DLGAP1: variants seen among roughly 807,000 people sequenced by gnomAD.
DLGAP1 encodes the protein disks large-associated protein 1.
A neutral mutation model predicts 90.8 loss-of-function variants in DLGAP1; 11 were observed. That is an observed-to-expected ratio of 0.12 (90% CI 0.08 to 0.20). DLGAP1 has a LOEUF of 0.20. Among genes scored for constraint, DLGAP1 ranks in the 10% least tolerant of loss-of-function variants. DLGAP1 has a pLI of 1.00. For synonymous variants in DLGAP1, 558 were observed against 540.7 expected, an observed-to-expected ratio of 1.03 and a Z score of -0.44; for missense variants, 1,050 against 1,333.8, an observed-to-expected ratio of 0.79 and a Z score of 3.31.
At chr18:3,991,643 G>C (rs1253843036) in intron 3 of DLGAP1, among the ~76,000 whole-genome samples, 3 of 152,152 alleles carry the variant, frequency 2.0e-5, no homozygotes, top group Non-Finnish European at 4.4e-5. Context: ...CTTCTCCCCA[G>C]AGCTATGCCT....
intron 3 of DLGAP1, among the ~76,000 whole-genome samples, chr18:3,904,837 C>T (rs918601090): frequency 1.3e-5 from 2 of 152,098 alleles, no homozygotes. Flanking sequence ...TACTTTGGAT[C>T]TTGCTCACTT....
intron 9 of DLGAP1, among the ~76,000 whole-genome samples, chr18:3,546,651 GAA>G (rs139504155): frequency 4.7e-5 from 7 of 148,512 alleles, no homozygotes; most frequent in East Asian, 2.0e-4. Context: ...ATGGGTTAAA[GAA>G]AAAAAAAATC....
intron 1 of DLGAP1, among the ~76,000 whole-genome samples, chr18:4,290,576 C>A (rs1354321325): frequency 6.6e-6 from 1 of 152,122 alleles, no homozygotes; most frequent in East Asian, 1.9e-4. Flanking sequence ...TGTCTCGAGT[C>A]ATCTTTTAGA....
intron 7 of DLGAP1, among the ~76,000 whole-genome samples, chr18:3,595,511 A>AT (rs2056529258): frequency 6.6e-6 from 1 of 152,166 alleles, no homozygotes; most frequent in African/African-American, 2.4e-5. Context: ...GAAAAAAAAA[A>AT]GGAAGTAGAC....
At chr18:3,605,048 A>G (rs1034839587) in intron 7 of DLGAP1, among the ~76,000 whole-genome samples, 1 of 152,208 alleles carries the variant, frequency 6.6e-6, no homozygotes, top group East Asian at 1.9e-4. Flanking sequence ...ACTTAGAGGA[A>G]GAGTGGAAAC....
intron 7 of DLGAP1, among the ~76,000 whole-genome samples, chr18:3,688,977 A>G (rs922196541): frequency 2.0e-5 from 3 of 152,070 alleles, no homozygotes; most frequent in African/African-American, 7.2e-5. Context: ...CACTCAGTTT[A>G]CCTTTAGCGG....
intron 3 of DLGAP1, among the ~76,000 whole-genome samples, chr18:3,981,849 A>G (rs1010782309): frequency 5.9e-5 from 9 of 152,180 alleles, no homozygotes; most frequent in African/African-American, 2.2e-4. Context: ...AATTTCCTCA[A>G]TCATCCTAAT....
At chr18:3,870,956 T>C (rs2070715893) in intron 4 of DLGAP1, among the ~76,000 whole-genome samples, 1 of 152,234 alleles carries the variant, frequency 6.6e-6, no homozygotes, top group Non-Finnish European at 1.5e-5. Context: ...CATTATTTAG[T>C]TAATCTTTGC....
chr18:3,966,947 G>A (rs1384823930), intron 3 of DLGAP1, among the ~76,000 whole-genome samples: 1 of 152,196 alleles, frequency 6.6e-6, no homozygotes, highest in Non-Finnish European at 1.5e-5. Flanking sequence ...GGCATTCAAT[G>A]TTCTGAGGTC....
At chr18:4,416,964 G>T (rs9954442) in intron 1 of DLGAP1, among the ~76,000 whole-genome samples, 14,495 of 152,202 alleles carry the variant, frequency 0.095, 2,210 homozygotes, top group African/African-American at 0.32. Flanking sequence ...TATATATTCA[G>T]TAGTGTGAGG....
At chr18:4,422,914 G>A (rs918318149) in intron 1 of DLGAP1, among the ~76,000 whole-genome samples, 1 of 151,972 alleles carries the variant, frequency 6.6e-6, no homozygotes, top group Non-Finnish European at 1.5e-5. Flanking sequence ...ATCCACAAAC[G>A]TAAATTATAC....
At chr18:4,438,087 C>T (rs1360323053) in intron 1 of DLGAP1, among the ~76,000 whole-genome samples, 1 of 152,072 alleles carries the variant, frequency 6.6e-6, no homozygotes, top group Non-Finnish European at 1.5e-5. Context: ...ATCAGAAAAA[C>T]CTTAGCGCCT....
chr18:3,630,257 G>C (rs2058476789), intron 7 of DLGAP1, among the ~76,000 whole-genome samples: 1 of 152,148 alleles, frequency 6.6e-6, no homozygotes, highest in African/African-American at 2.4e-5. Context: ...TCTCCTGTCC[G>C]ACTGGTTAAG....
At chr18:3,507,520 CAAAACAAAAACA>C (rs964413316) in intron 11 of DLGAP1, among the ~76,000 whole-genome samples, 1 of 151,956 alleles carries the variant, frequency 6.6e-6, no homozygotes, top group South Asian at 2.1e-4. Flanking sequence ...GACTCCATCT[CAAAACAAAAACA>C]AAAACAAAAA....
intron 3 of DLGAP1, among the ~76,000 whole-genome samples, chr18:3,889,144 A>G (rs2071397862): frequency 1.3e-5 from 2 of 152,338 alleles, no homozygotes; most frequent in South Asian, 4.1e-4. Context: ...CTTGCAAACT[A>G]CTGATGAATC....
intron 1 of DLGAP1, among the ~76,000 whole-genome samples, chr18:4,335,587 A>G (rs1356191587): frequency 6.7e-6 from 1 of 149,608 alleles, no homozygotes; most frequent in Admixed American, 6.6e-5. Context: ...CTGGAAAAGG[A>G]AGGAAACATA....
chr18:4,259,682 T>C (rs868305303), intron 1 of DLGAP1, among the ~76,000 whole-genome samples: 2 of 152,198 alleles, frequency 1.3e-5, no homozygotes, highest in African/African-American at 4.8e-5. Context: ...CATTACATAG[T>C]GTAACACTCA....
intron 4 of DLGAP1, among the ~76,000 whole-genome samples, chr18:3,830,926 A>T (rs1428380110): frequency 6.6e-6 from 1 of 152,234 alleles, no homozygotes; most frequent in Non-Finnish European, 1.5e-5. Context: ...ATCTCTAATT[A>T]CATCACTCAG....
chr18:4,411,996 T>C (rs1199752004), intron 1 of DLGAP1, among the ~76,000 whole-genome samples: 5 of 152,178 alleles, frequency 3.3e-5, no homozygotes, highest in African/African-American at 9.7e-5. Context: ...CATGCTTATA[T>C]AGGGAGAATG....
Sources: gnomAD v4.1 joint callset for allele counts (sites outside exome capture counted in the v4.1 genomes callset) on GRCh38, gnomAD v4.1.1 for gene constraint, MANE v1.5 for transcripts, NCBI Gene and HGNC (gene_info 2026-07-23, HGNC 2026-07-21) for gene names.